LRRC4C: variants seen among roughly 807,000 people sequenced by gnomAD.
LRRC4C encodes the protein leucine rich repeat containing 4C.
A neutral mutation model predicts 33.6 loss-of-function variants in LRRC4C; 5 were observed. That is an observed-to-expected ratio of 0.15 (90% CI 0.08 to 0.31). The LOEUF (loss-of-function observed/expected upper bound fraction) is 0.31, where lower values mean the gene tolerates loss of function less well. Among genes scored for constraint, LRRC4C ranks in the 10% least tolerant of loss-of-function variants. The pLI is 1.00. For synonymous variants in LRRC4C, 329 were observed against 302.0 expected (o/e 1.09, Z -0.93); for missense variants, 560 against 796.7 (o/e 0.70, Z 3.58).
chr11:40,680,001 T>C (rs1944601101), intron 2 of LRRC4C, among the ~76,000 whole-genome samples: 2 of 152,132 alleles, frequency 1.3e-5, no homozygotes, highest in Admixed American at 1.3e-4. Context: ...AGGGGGGATA[T>C]ACCTTGCAAA....
chr11:40,388,125 GACTTAT>G (rs1164812334), intron 3 of LRRC4C, among the ~76,000 whole-genome samples: 1 of 152,030 alleles, frequency 6.6e-6, no homozygotes, highest in African/African-American at 2.4e-5. Context: ...ACCTGTTACT[GACTTAT>G]TTAACCTTCG....
chr11:40,150,351 A>G (rs760147421), intron 5 of LRRC4C, among the ~76,000 whole-genome samples: 1 of 152,256 alleles, frequency 6.6e-6, no homozygotes, highest in Non-Finnish European at 1.5e-5. Flanking sequence ...AACATACTTC[A>G]GAGAGCTAGG....
At chr11:40,188,272 C>T (rs1243415579) in intron 5 of LRRC4C, among the ~76,000 whole-genome samples, 3 of 152,140 alleles carry the variant, frequency 2.0e-5, no homozygotes, top group African/African-American at 7.2e-5. Flanking sequence ...GTCCTACAAC[C>T]TTAAATTGTG....
chr11:41,066,032 T>C (rs896132024), intron 1 of LRRC4C, among the ~76,000 whole-genome samples: 3 of 152,112 alleles, frequency 2.0e-5, no homozygotes, highest in Non-Finnish European at 4.4e-5. Context: ...ACAACACTTC[T>C]CCAGCAAGAG....
intron 1 of LRRC4C, among the ~76,000 whole-genome samples, chr11:41,316,349 T>C (rs1043918083): frequency 5.3e-5 from 8 of 150,880 alleles, no homozygotes; most frequent in African/African-American, 2.0e-4. Context: ...CTATTACACA[T>C]GAAGCCTACC....
chr11:40,302,401 A>T lies in LRRC4C; in HGVS notation c.-176+17227T>A, dbSNP rs755535807. ...TGTTCTTATTTATTTTAGGGGTTCC[A>T]TTAAAAAGGCCACAGGGATTTTTCA... On this transcript the variant is annotated intron_variant, in intron 4 of 6. Transcript: ENST00000528697. Among the ~76,000 whole-genome samples, 48 of 152,182 alleles carry T rather than the reference A, an allele frequency of 3.2e-4. 1 individual carries two copies. Among genetic ancestry groups the T allele is most frequent in the Non-Finnish European group, 6.5e-4 (44 of 68,012 alleles).
At chr11:41,416,401 C>T (rs1393983214) in intron 1 of LRRC4C, among the ~76,000 whole-genome samples, 3 of 151,970 alleles carry the variant, frequency 2.0e-5, no homozygotes, top group African/African-American at 7.2e-5. Flanking sequence ...GGTAAATGCA[C>T]AAAGTCCTAA....
chr11:41,316,870 T>C (rs573640422), intron 1 of LRRC4C, among the ~76,000 whole-genome samples: 68 of 152,344 alleles, frequency 4.5e-4, no homozygotes, highest in African/African-American at 1.6e-3. Flanking sequence ...CAGTAAGAAA[T>C]GAAACCACAA....
At chr11:40,326,552 GAAAA>G (rs67048103) in intron 3 of LRRC4C, among the ~76,000 whole-genome samples, 7 of 141,618 alleles carry the variant, frequency 4.9e-5, no homozygotes, top group African/African-American at 8.0e-5. Flanking sequence ...CTTCTCAAAA[GAAAA>G]AAAAAAAAAA....
chr11:40,252,053 GA>G (rs1866827115), intron 4 of LRRC4C, among the ~76,000 whole-genome samples: 1 of 152,044 alleles, frequency 6.6e-6, no homozygotes, highest in Non-Finnish European at 1.5e-5. Flanking sequence ...CATGGAATCA[GA>G]TGGCTTTGAT....
intron 1 of LRRC4C, among the ~76,000 whole-genome samples, chr11:41,169,368 G>T (rs907586905): frequency 1.3e-5 from 2 of 152,032 alleles, no homozygotes; most frequent in Non-Finnish European, 2.9e-5. Flanking sequence ...ACATGTAATT[G>T]TACACCAATC....
At chr11:40,675,138 AGACCCCTTACTTACATGG>A (rs1181157355) in intron 2 of LRRC4C, among the ~76,000 whole-genome samples, 20 of 152,300 alleles carry the variant, frequency 1.3e-4, no homozygotes, top group Non-Finnish European at 5.9e-5. Flanking sequence ...ATGAATTTTA[AGACCCCTTACTTACATGG>A]GACCCATTTA....
At chr11:41,446,972 A>C in intron 1 of LRRC4C, among the ~76,000 whole-genome samples, 1 of 152,214 alleles carries the variant, frequency 6.6e-6, no homozygotes, top group Admixed American at 6.5e-5. Flanking sequence ...ATGATGTCAT[A>C]TTGAACATCT....
At chr11:40,901,796 T>C (rs927563336) in intron 2 of LRRC4C, among the ~76,000 whole-genome samples, 1 of 152,016 alleles carries the variant, frequency 6.6e-6, no homozygotes, top group Non-Finnish European at 1.5e-5. Flanking sequence ...ATTCAAAGAA[T>C]TGATTTTTCT....
chr11:40,127,837 C>T (rs1419759617), intron 6 of LRRC4C, among the ~76,000 whole-genome samples: 1 of 152,030 alleles, frequency 6.6e-6, no homozygotes, highest in Non-Finnish European at 1.5e-5. Flanking sequence ...TATCAGGGTA[C>T]ACAAAAAGAG....
intron 2 of LRRC4C, among the ~76,000 whole-genome samples, chr11:40,648,534 T>A (rs564151098): frequency 6.3e-5 from 8 of 126,904 alleles, no homozygotes; most frequent in Non-Finnish European, 9.0e-5. Context: ...AAAGGCTAAA[T>A]AAAAGTTTAT....
intron 1 of LRRC4C, among the ~76,000 whole-genome samples, chr11:41,110,630 A>C (rs1342120195): frequency 6.6e-6 from 1 of 151,972 alleles, no homozygotes; most frequent in Non-Finnish European, 1.5e-5. Context: ...TGTGCTGAAA[A>C]CTTTTTATTG....
chr11:40,760,603 A>C (rs1949159970), intron 2 of LRRC4C, among the ~76,000 whole-genome samples: 1 of 151,298 alleles, frequency 6.6e-6, no homozygotes, highest in Non-Finnish European at 1.5e-5. Flanking sequence ...CCATGGAATA[A>C]ACTTCCTTTT....
chr11:40,639,305 A>G (rs1941965279), intron 3 of LRRC4C, among the ~76,000 whole-genome samples: 1 of 152,228 alleles, frequency 6.6e-6, no homozygotes, highest in African/African-American at 2.4e-5. Flanking sequence ...GCCCCCTTGC[A>G]CTGGCCTGCA....
Sources: gnomAD v4.1 joint callset for allele counts (sites outside exome capture counted in the v4.1 genomes callset) on GRCh38, gnomAD v4.1.1 for gene constraint, MANE v1.5 for transcripts, NCBI Gene and HGNC (gene_info 2026-07-23, HGNC 2026-07-21) for gene names.